Variants in NOL4L observed in about 807,000 individuals in gnomAD.
The protein encoded by NOL4L is nucleolar protein 4 like, also known as nucleolar protein 4-like.
NOL4L carries 7 observed loss-of-function variants against 64.5 expected under a neutral mutation model. That is an observed-to-expected ratio of 0.11 (90% CI 0.06 to 0.20). The LOEUF is 0.20. NOL4L is among the 10% of genes least tolerant of loss of function. The pLI is 1.00. For synonymous variants in NOL4L, 413 were observed against 401.0 expected (o/e 1.03, Z -0.36); for missense variants, 680 against 967.1 (o/e 0.70, Z 3.94).
intron 4 of NOL4L, among the ~76,000 whole-genome samples, chr20:32,504,332 G>GGGTA (rs2017047509): frequency 6.6e-6 from 1 of 152,168 alleles, no homozygotes; most frequent in East Asian, 1.9e-4. Flanking sequence ...AGGCTGAGGT[G>GGGTA]GGTAGATCAC....
At chr20:32,475,172 G>A (rs1600705448) in intron 4 of NOL4L, 4 of 985,484 alleles carry the variant, frequency 4.1e-6, no homozygotes, top group Non-Finnish European at 4.8e-6. Flanking sequence ...CAGGCACTGA[G>A]GCTGAGCTGA....
intron 1 of NOL4L, among the ~76,000 whole-genome samples, chr20:32,551,413 TC>T (rs1321777098): frequency 4.7e-5 from 7 of 148,606 alleles, no homozygotes; most frequent in African/African-American, 1.5e-4. Context: ...ATCATCATCA[TC>T]GTGAGCATCA....
intron 3 of NOL4L, among the ~76,000 whole-genome samples, chr20:32,515,297 G>A (rs763923911): frequency 1.3e-5 from 2 of 152,126 alleles, no homozygotes; most frequent in African/African-American, 2.4e-5. Flanking sequence ...TAAACCCATC[G>A]GAGAACACCT....
At chr20:32,504,109 T>C (rs1331418942) in intron 4 of NOL4L, among the ~76,000 whole-genome samples, 2 of 152,186 alleles carry the variant, frequency 1.3e-5, no homozygotes, top group Non-Finnish European at 2.9e-5. Flanking sequence ...ATTTTATATG[T>C]ATACATAAAT....
chr20:32,570,064 C>T (rs148584680), intron 1 of NOL4L, among the ~76,000 whole-genome samples: 8 of 152,178 alleles, frequency 5.3e-5, no homozygotes, highest in African/African-American at 1.2e-4. Flanking sequence ...TGAAACAACC[C>T]CAAACAGCAG....
chr20:32,508,153 T>C (rs2017211231), intron 4 of NOL4L, among the ~76,000 whole-genome samples: 1 of 152,112 alleles, frequency 6.6e-6, no homozygotes, highest in Non-Finnish European at 1.5e-5. Flanking sequence ...GTGGTCAGAG[T>C]GATGAAATGA....
chr20:32,537,097 G>A lies in NOL4L; in HGVS notation c.322-9184C>T, dbSNP rs1469529186. The stretch of plus-strand genomic sequence containing the variant: ...ACGCTGCCCACCTGTCCTTTGTGCA[G>A]GGCGGTACCATTCGATCTTGCCAGC... On this transcript the variant is annotated intron_variant, in intron 1 of 10. Transcript: ENST00000621426. 4 of 985,212 alleles carry A rather than the reference G, an allele frequency of 4.1e-6. No individual in the cohort carries two copies. The South Asian group carries it at 1.9e-4, about 46-fold the overall frequency. 61.0% of individuals were successfully genotyped at this position (985,212 alleles called of 1,614,324 possible). A position where few individuals can be genotyped will look rare whatever the true frequency, so the allele number is the denominator to read the frequency against.
Position 32,488,841 on chromosome 20 carries a change from T to C in NOL4L, c.700-14099A>G, listed in dbSNP as rs58175252. 6.7e-3 allele frequency among the ~76,000 whole-genome samples: 567 copies of C among 84,124 alleles called. 35 individuals are homozygous for C. The highest frequency in any genetic ancestry group is 0.037 in the African/African-American group (473 of 12,670). The allele number at this position is 84,124 out of a possible 152,430, so 55.2% of individuals were successfully genotyped here. A position where few individuals can be genotyped will look rare whatever the true frequency, so the allele number is the denominator to read the frequency against. ...TCTTTCTTTCTTTTTCTTTCTTTCT[T>C]TCTTTCTTTCTTTCTTTCTTTCTTT... On this transcript the variant is annotated intron_variant, in intron 4 of 10. Transcript: ENST00000621426.
chr20:32,471,778 C>T (rs535287192), intron 5 of NOL4L, among the ~76,000 whole-genome samples: 80 of 152,110 alleles, frequency 5.3e-4, no homozygotes, highest in Middle Eastern at 3.4e-3. Flanking sequence ...TGAGTTCATG[C>T]GAGAGCTGGT....
chr20:32,527,921 A>T lies in NOL4L; in HGVS notation c.322-8T>A. ...CGACAGGCCATCTGCCCCCTGCGAC[A>T]GGGTGGACAAGCTGTGTTAGTGTCA... is the stretch of plus-strand genomic sequence containing the variant. On this transcript the variant is annotated splice_polypyrimidine_tract_variant and splice_region_variant and intron_variant, in intron 1 of 10. Transcript: ENST00000621426. 2 of 1,544,172 alleles carry T rather than the reference A, an allele frequency of 1.3e-6. No homozygotes were observed. The highest frequency in any genetic ancestry group is 1.7e-6 in the Non-Finnish European group (2 of 1,142,914).
chr20:32,475,156 C>G, intron 4 of NOL4L: 1 of 985,476 alleles, frequency 1.0e-6, no homozygotes, highest in Non-Finnish European at 1.2e-6. Flanking sequence ...AGCACATGCC[C>G]GCCACCAGGC....
chr20:32,448,158 G>C (rs1279790615), intron 10 of NOL4L, among the ~76,000 whole-genome samples: 1 of 152,210 alleles, frequency 6.6e-6, no homozygotes, highest in Non-Finnish European at 1.5e-5. Context: ...TTGAGGAACT[G>C]TGGGACAAGT....
At chr20:32,549,864 G>T (rs1372454592) in intron 1 of NOL4L, among the ~76,000 whole-genome samples, 4 of 152,188 alleles carry the variant, frequency 2.6e-5, no homozygotes, top group Non-Finnish European at 5.9e-5. Context: ...AAAACAGGTA[G>T]TTCCTCAAAA....
intron 1 of NOL4L, among the ~76,000 whole-genome samples, chr20:32,559,598 A>T (rs999431461): frequency 2.0e-5 from 3 of 152,054 alleles, no homozygotes; most frequent in African/African-American, 7.2e-5. Context: ...TACACAGGGG[A>T]GGGAATTTGC....
Position 32,453,743 on chromosome 20 carries a change from C to T in NOL4L, c.1138G>A (p.Gly380Arg). The T allele has an allele frequency of 6.4e-7, 1 of 1,553,954 alleles. No individual in the cohort carries two copies. The highest frequency in any genetic ancestry group is 8.7e-7 in the Non-Finnish European group (1 of 1,148,122). The change falls in exon 7 of 11, where the codon GGG becomes AGG. Residue 380 changes from glycine to arginine, a missense_variant. By Grantham distance (125) the Gly-to-Arg change is moderately radical (BLOSUM62 -2). Transcript: ENST00000621426. The surrounding 1 kb of genome is among the most constrained non-coding windows in gnomAD (Gnocchi z 5.6). ...TCGGTCTTGATGGAATCGTAGCTCCCAGAGCTGTAGGGGGGGGACTAAAAG... is the reference window on the plus strand; with the variant it reads ...TCGGTCTTGATGGAATCGTAGCTCCTAGAGCTGTAGGGGGGGGACTAAAAG... ...TTPESPPYSS[G>R]SYDSIKTEVS...
chr20:32,580,343 G>A (rs1362955398), intron 1 of NOL4L, among the ~76,000 whole-genome samples: 1 of 152,122 alleles, frequency 6.6e-6, no homozygotes, highest in Non-Finnish European at 1.5e-5. Context: ...GAGAAAACCA[G>A]GAAATATTGA....
At chr20:32,501,561 C>G (rs1367437523) in intron 4 of NOL4L, among the ~76,000 whole-genome samples, 1 of 152,096 alleles carries the variant, frequency 6.6e-6, no homozygotes, top group Non-Finnish European at 1.5e-5. Flanking sequence ...AAATGTATCA[C>G]CTTAATATAA....
At chr20:32,527,983 GGGGCAAGGGGTCAGGAC>G in intron 1 of NOL4L, 70 bp from the exon 2 acceptor site, 13 of 1,461,132 alleles carry the variant, frequency 8.9e-6, no homozygotes, top group Non-Finnish European at 1.2e-5. Context: ...CCCTGAGGCC[GGGGCAAGGGGTCAGGAC>G]GGGCAATGCC....
intron 1 of NOL4L, among the ~76,000 whole-genome samples, chr20:32,543,694 G>T (rs1442334813): frequency 6.6e-6 from 1 of 152,080 alleles, no homozygotes; most frequent in African/African-American, 2.4e-5. Context: ...GGAGGCTGAG[G>T]CACAATAACC....
Sources: allele counts gnomAD v4.1 joint callset (sites outside exome capture counted in the v4.1 genomes callset), GRCh38; gene constraint gnomAD v4.1.1; non-coding constraint Gnocchi (gnomAD v3.1); transcripts MANE v1.5; gene names NCBI Gene and HGNC (gene_info 2026-07-23, HGNC 2026-07-21).